Variants in RGS6 observed in about 807,000 individuals in gnomAD.
RGS6 encodes the protein regulator of G protein signaling 6.
Under a neutral mutation model 78.5 loss-of-function variants are expected in RGS6, and 30 were observed. The observed-to-expected ratio is 0.38, with a 90% CI of 0.29 to 0.52. RGS6 has a LOEUF of 0.52. Among genes scored for constraint, RGS6 ranks in the 20% least tolerant of loss-of-function variants. The probability of loss-of-function intolerance (pLI) is 0.85; values close to 1 mark genes in which losing one functional copy is unlikely to be tolerated. For missense variants in RGS6, 495 were observed against 609.7 expected (o/e 0.81, Z 1.98); for synonymous variants, 206 against 206.0 (o/e 1.00, Z 0.00).
At chr14:71,966,827 G>A (rs1483947018) in intron 2 of RGS6, among the ~76,000 whole-genome samples, 2 of 152,068 alleles carry the variant, frequency 1.3e-5, no homozygotes, top group Non-Finnish European at 2.9e-5. Flanking sequence ...CTAAATGTTG[G>A]TGCTGTTAAT....
At chr14:72,195,611 A>G (rs2039910217) in intron 2 of RGS6, among the ~76,000 whole-genome samples, 1 of 152,204 alleles carries the variant, frequency 6.6e-6, no homozygotes, top group African/African-American at 2.4e-5. Flanking sequence ...AGAGCTGAAG[A>G]GGTAGAAAGC....
At chr14:72,494,522 T>G (rs1187481914) in intron 12 of RGS6, among the ~76,000 whole-genome samples, 1 of 152,174 alleles carries the variant, frequency 6.6e-6, no homozygotes, top group Non-Finnish European at 1.5e-5. Context: ...TATAATCATT[T>G]GGTACTATTT....
intron 2 of RGS6, among the ~76,000 whole-genome samples, chr14:72,198,343 C>T (rs1226705575): frequency 1.3e-5 from 2 of 152,200 alleles, no homozygotes; most frequent in African/African-American, 4.8e-5. Context: ...CAGAGCAAAA[C>T]CTTGTCTAAA....
the RGS6 span, among the ~76,000 whole-genome samples, chr14:71,886,350 G>A: frequency 6.6e-6 from 1 of 152,150 alleles, no homozygotes; most frequent in African/African-American, 2.4e-5. Context: ...TTTATTCCTG[G>A]CAGGATCTTC....
chr14:72,404,548 G>A (rs1371624206), intron 3 of RGS6, among the ~76,000 whole-genome samples: 1 of 152,222 alleles, frequency 6.6e-6, no homozygotes, highest in African/African-American at 2.4e-5. Context: ...TCTGCCAGCA[G>A]CCCTGCATGC....
In RGS6 at chr14:72,494,511, AT is replaced by A. The variant is rs540249823; in HGVS notation, c.855-640del. 2.6e-4 allele frequency among the ~76,000 whole-genome samples: 39 copies of A among 152,324 alleles called. No individual in the cohort carries two copies. The South Asian group carries it at 8.1e-3, about 32-fold the overall frequency. On this transcript the variant is annotated intron_variant, in intron 12 of 17. Transcript: ENST00000553525. ...ATAATTGCTTTTGCTTTTTTAGTAT[AT>A]ATAATCATTTGGTACTATTTTATTA...
intron 2 of RGS6, among the ~76,000 whole-genome samples, chr14:72,237,514 C>T (rs142249778): frequency 1.3e-5 from 2 of 152,274 alleles, no homozygotes; most frequent in African/African-American, 4.8e-5. Flanking sequence ...AGCTTCGTAA[C>T]TACCTGCTGA....
chr14:72,120,708 C>T (rs756246770), intron 2 of RGS6, among the ~76,000 whole-genome samples: 2 of 152,040 alleles, frequency 1.3e-5, no homozygotes, highest in Non-Finnish European at 2.9e-5. Context: ...GAAGCATGAC[C>T]CTTGGATTTC....
At chr14:72,435,937 A>G (rs1288195323) in intron 3 of RGS6, among the ~76,000 whole-genome samples, 1 of 152,212 alleles carries the variant, frequency 6.6e-6, no homozygotes, top group African/African-American at 2.4e-5. Context: ...TCTGGGGATC[A>G]GGACATGGAC....
At chr14:72,297,708 A>C (rs890759999) in intron 2 of RGS6, among the ~76,000 whole-genome samples, 6 of 151,012 alleles carry the variant, frequency 4.0e-5, no homozygotes, top group African/African-American at 1.5e-4. Flanking sequence ...GTTTACTGAG[A>C]ATGATGATTT....
chr14:71,894,611 T>G, the RGS6 span, among the ~76,000 whole-genome samples: 1 of 152,126 alleles, frequency 6.6e-6, no homozygotes, highest in Non-Finnish European at 1.5e-5. Flanking sequence ...ACCAAGAACT[T>G]TCTCTTGGGG....
At chr14:72,259,942 CGA>C (rs1361100792) in intron 2 of RGS6, among the ~76,000 whole-genome samples, 2 of 134,572 alleles carry the variant, frequency 1.5e-5, no homozygotes, top group South Asian at 2.4e-4. Flanking sequence ...GCTTAATGAA[CGA>C]GAGTCTCAAA....
At chr14:72,136,427 T>A (rs924104270) in intron 2 of RGS6, among the ~76,000 whole-genome samples, 1 of 151,198 alleles carries the variant, frequency 6.6e-6, no homozygotes, top group Non-Finnish European at 1.5e-5. Flanking sequence ...AGGAAAGAGG[T>A]TTAATGGATT....
At chr14:72,194,575 T>A (rs1030585684) in intron 2 of RGS6, among the ~76,000 whole-genome samples, 3 of 152,290 alleles carry the variant, frequency 2.0e-5, no homozygotes, top group African/African-American at 7.2e-5. Context: ...TTGCCCAGGC[T>A]GATCTTGAAC....
intron 13 of RGS6, among the ~76,000 whole-genome samples, chr14:72,499,280 A>G (rs983453238): frequency 2.0e-5 from 3 of 152,230 alleles, no homozygotes; most frequent in Non-Finnish European, 4.4e-5. Context: ...CTGTGCTGGC[A>G]GGAACACAAT....
At chr14:72,103,295 G>A (rs764205116) in intron 2 of RGS6, among the ~76,000 whole-genome samples, 7 of 152,154 alleles carry the variant, frequency 4.6e-5, no homozygotes, top group Non-Finnish European at 1.0e-4. Flanking sequence ...AATCTGGCAT[G>A]CACTGTATTT....
chr14:72,138,459 T>TG (rs2096484868), intron 2 of RGS6, among the ~76,000 whole-genome samples: 1 of 149,964 alleles, frequency 6.7e-6, no homozygotes, highest in Non-Finnish European at 1.5e-5. Context: ...GTTTTTTTTT[T>TG]TTTTTTTTTT....
chr14:72,227,286 A>T (rs772595986), intron 2 of RGS6, among the ~76,000 whole-genome samples: 22 of 152,060 alleles, frequency 1.4e-4, no homozygotes, highest in African/African-American at 5.3e-4. Flanking sequence ...GCAGTTTTTT[A>T]AAATTTGTTT....
intron 2 of RGS6, among the ~76,000 whole-genome samples, chr14:71,987,830 A>T (rs909308429): frequency 2.8e-4 from 42 of 152,160 alleles, no homozygotes; most frequent in Non-Finnish European, 3.5e-4. Context: ...ACTATATTTT[A>T]AAAAAATATT....
Sources: gnomAD v4.1 joint callset for allele counts (sites outside exome capture counted in the v4.1 genomes callset) on GRCh38, gnomAD v4.1.1 for gene constraint, MANE v1.5 for transcripts, NCBI Gene and HGNC (gene_info 2026-07-23, HGNC 2026-07-21) for gene names.